The following SIMC1 variants were observed in gnomAD, a reference collection of about 807,000 sequenced individuals.
SIMC1 encodes the protein SUMO-interacting motif-containing protein 1.
Under a neutral mutation model 82.3 loss-of-function variants are expected in SIMC1, and 55 were observed. The observed-to-expected ratio is 0.67, with a 90% CI of 0.54 to 0.84. SIMC1 has a LOEUF of 0.84. Ranked by LOEUF, SIMC1 falls within the 40% of genes least tolerant of loss-of-function variation. The pLI, the probability that SIMC1 is intolerant of heterozygous loss-of-function variation, is 0.00. For missense variants in SIMC1, 915 were observed against 1,107.2 expected, an observed-to-expected ratio of 0.83 and a Z score of 2.46; for synonymous variants, 353 against 426.3, an observed-to-expected ratio of 0.83 and a Z score of 2.12.
intron 4 of SIMC1, chr5:176,307,957 T>C (rs1764498922): frequency 3.4e-6 from 2 of 591,030 alleles, no homozygotes; most frequent in Non-Finnish European, 6.1e-6. Flanking sequence ...AGCAGTGTTA[T>C]ACATAATAGC....
intron 4 of SIMC1, among the ~76,000 whole-genome samples, chr5:176,312,482 G>A (rs1764703857): frequency 7.1e-6 from 1 of 141,180 alleles, no homozygotes; most frequent in Non-Finnish European, 1.5e-5. Context: ...GTTACAGTGA[G>A]CCAAGATCGC....
At chr5:176,320,334 TA>T (rs1242032946) in intron 5 of SIMC1, among the ~76,000 whole-genome samples, 382 of 10,696 alleles carry the variant, frequency 0.036, 3 homozygotes, top group African/African-American at 0.043. Context: ...CATCCTATTT[TA>T]TTTATTTATT....
rs377707182 is a variant in SIMC1, at chr5:176,345,493, C to G, written c.*48C>G. The G allele has an allele frequency of 1.9e-6, 3 of 1,559,618 alleles. No individual in the cohort carries two copies. In the South Asian group the frequency reaches 3.6e-5, roughly 19 times the overall value. On this transcript the variant is annotated 3_prime_UTR_variant, in exon 10 of 10. Transcript: ENST00000429602. ...CAAGAATACCTCCTGAACTCTCTCTCCAACTGCTCAGAAGCTCTAAAAGCA... is the reference window on the plus strand; with the variant it reads ...CAAGAATACCTCCTGAACTCTCTCTGCAACTGCTCAGAAGCTCTAAAAGCA...
chr5:176,313,051 G>T, intron 4 of SIMC1: 1 of 178,562 alleles, frequency 5.6e-6, no homozygotes, highest in Non-Finnish European at 1.2e-5. Context: ...TGCCTCCAAA[G>T]CCCATGCTCT....
chr5:176,307,644 C>T (rs1764484229), intron 4 of SIMC1, among the ~76,000 whole-genome samples: 1 of 152,160 alleles, frequency 6.6e-6, no homozygotes, highest in African/African-American at 2.4e-5. Flanking sequence ...TCATGATCCA[C>T]CTGCCTCGGC....
intron 4 of SIMC1, among the ~76,000 whole-genome samples, chr5:176,307,699 C>A (rs1764488316): frequency 6.6e-6 from 1 of 152,164 alleles, no homozygotes; most frequent in African/African-American, 2.4e-5. Context: ...CCACGCCTGG[C>A]CTTTATCACA....
chr5:176,273,135 C>T (rs1174305260), intron 1 of SIMC1, among the ~76,000 whole-genome samples: 1 of 152,234 alleles, frequency 6.6e-6, no homozygotes, highest in Non-Finnish European at 1.5e-5. Context: ...ACTGCCTCCT[C>T]AAGTGGGTCC....
intron 1 of SIMC1, among the ~76,000 whole-genome samples, chr5:176,280,761 C>T (rs1209302501): frequency 6.6e-6 from 1 of 152,186 alleles, no homozygotes; most frequent in Non-Finnish European, 1.5e-5. Flanking sequence ...TACTGGCCCC[C>T]AGTCTCTTCC....
intron 4 of SIMC1, among the ~76,000 whole-genome samples, chr5:176,305,968 A>G (rs867864163): frequency 1.1e-3 from 43 of 40,522 alleles, no homozygotes; most frequent in Admixed American, 1.5e-3. Context: ...CAGCCGCCCC[A>G]TCCGGGAGGG....
intron 1 of SIMC1, among the ~76,000 whole-genome samples, chr5:176,250,354 A>G (rs1013760314): frequency 3.2e-4 from 48 of 152,284 alleles, no homozygotes; most frequent in African/African-American, 1.1e-3. Flanking sequence ...GTTCTCTTGC[A>G]TTTACTGAGG....
intron 9 of SIMC1, among the ~76,000 whole-genome samples, chr5:176,342,931 C>G (rs1448721308): frequency 6.6e-6 from 1 of 152,192 alleles, no homozygotes; most frequent in Non-Finnish European, 1.5e-5. Flanking sequence ...CACTGTGTCC[C>G]CAGACTCTAG....
intron 5 of SIMC1, among the ~76,000 whole-genome samples, chr5:176,321,206 A>G (rs888852447): frequency 5.3e-5 from 8 of 152,150 alleles, no homozygotes; most frequent in African/African-American, 1.9e-4. Flanking sequence ...GTATCATGCT[A>G]TATGTAATCT....
intron 7 of SIMC1, among the ~76,000 whole-genome samples, chr5:176,326,136 A>G (rs912962705): frequency 6.6e-6 from 1 of 152,172 alleles, no homozygotes; most frequent in African/African-American, 2.4e-5. Flanking sequence ...TGGGGAAATT[A>G]TGGTATATGT....
chr5:176,314,875 C>A (rs1264806067), intron 5 of SIMC1, among the ~76,000 whole-genome samples: 5 of 152,128 alleles, frequency 3.3e-5, no homozygotes, highest in Admixed American at 3.3e-4. Context: ...GTATAGTATT[C>A]AATAAATTAG....
intron 7 of SIMC1, among the ~76,000 whole-genome samples, chr5:176,328,807 G>A (rs145196924): frequency 6.6e-6 from 1 of 152,274 alleles, no homozygotes; most frequent in East Asian, 1.9e-4. Flanking sequence ...GATCACTTGA[G>A]CACAGGCGTA....
chr5:176,303,925 T>A (rs1347512754), intron 4 of SIMC1, among the ~76,000 whole-genome samples: 1 of 152,060 alleles, frequency 6.6e-6, no homozygotes, highest in East Asian at 1.9e-4. Context: ...AAGACCTGAA[T>A]ATAAGACCCA....
intron 4 of SIMC1, among the ~76,000 whole-genome samples, chr5:176,306,342 C>T (rs1764383959): frequency 7.1e-6 from 1 of 140,332 alleles, no homozygotes; most frequent in Non-Finnish European, 1.6e-5. Flanking sequence ...GTGAGGGGCA[C>T]CTCTGCCCAG....
rs560567568 is a variant in SIMC1, at chr5:176,284,195, T to C, written c.130-5459T>C. Among the ~76,000 whole-genome samples, 14 of 152,232 alleles carry C rather than the reference T, an allele frequency of 9.2e-5. No individual in the cohort carries two copies. In the South Asian group the frequency reaches 2.5e-3, roughly 27 times the overall value. ...CGGACCTACTAGACATCTACAGAAC[T>C]CTCCACCCCAAATGAACAGAATATA... On this transcript the variant is annotated intron_variant, in intron 1 of 9. Coordinates refer to ENST00000429602, the MANE Select transcript of SIMC1 (RefSeq NM_001308195.2).
chr5:176,300,956 C>T (rs1445971730), intron 4 of SIMC1, among the ~76,000 whole-genome samples: 2 of 152,134 alleles, frequency 1.3e-5, no homozygotes, highest in Non-Finnish European at 2.9e-5. Context: ...TAATCAAAAA[C>T]CTTTCAACAA....
Sources: allele counts gnomAD v4.1 joint callset (sites outside exome capture counted in the v4.1 genomes callset), GRCh38; gene constraint gnomAD v4.1.1; transcripts MANE v1.5; gene names NCBI Gene and HGNC (gene_info 2026-07-23, HGNC 2026-07-21).